The following TM2D3 variants were observed in gnomAD, a reference collection of about 807,000 sequenced individuals.
TM2D3 encodes the protein TM2 domain containing 3, also known as TM2 domain-containing protein 3.
Under a neutral mutation model 27.3 loss-of-function variants are expected in TM2D3, and 33 were observed. The observed-to-expected ratio is 1.21, with a 90% CI of 0.92 to 1.61. The LOEUF is 1.61. Among genes scored for constraint, TM2D3 ranks in the 40% most tolerant of loss-of-function variants. The pLI, the probability that TM2D3 is intolerant of heterozygous loss-of-function variation, is 0.00. For missense variants in TM2D3, 364 were observed against 320.8 expected (o/e 1.13, Z -1.03); for synonymous variants, 138 against 122.2 (o/e 1.13, Z -0.85).
At chr15:101,641,492 T>G (rs893328956), downstream of TM2D3, among the ~76,000 whole-genome samples, 2 of 152,246 alleles carry the variant, frequency 1.3e-5, no homozygotes, top group African/African-American at 4.8e-5. Flanking sequence ...ATTTTATAGC[T>G]TCTAGATATG....
downstream of TM2D3, among the ~76,000 whole-genome samples, chr15:101,637,121 C>T (rs374568964): frequency 6.6e-6 from 1 of 152,142 alleles, no homozygotes; most frequent in Non-Finnish European, 1.5e-5. Context: ...CAGGACAGCT[C>T]GAAGCAGGGG....
chr15:101,648,828 A>C (rs1038578194), intron 3 of TM2D3, among the ~76,000 whole-genome samples: 6 of 147,062 alleles, frequency 4.1e-5, no homozygotes, highest in African/African-American at 1.6e-4. Context: ...TGAGCAATGC[A>C]GCTAAAAAAT....
downstream of TM2D3, chr15:101,636,896 T>G (rs1341370093): frequency 4.5e-6 from 2 of 440,378 alleles, no homozygotes; most frequent in African/African-American, 4.1e-5. Flanking sequence ...CAGGCTGGAG[T>G]GCAGTGGTGT....
chr15:101,642,703 C>T (rs2141361498), intron 5 of TM2D3, 59 bp from the exon 6 acceptor site: 15 of 1,458,252 alleles, frequency 1.0e-5, no homozygotes, highest in Non-Finnish European at 1.4e-5. Flanking sequence ...TGTGGCCAGT[C>T]ACGGTTTAAT....
chr15:101,644,967 T>C (rs1896766149), intron 5 of TM2D3, 120 bp downstream of exon 5: 3 of 859,858 alleles, frequency 3.5e-6, no homozygotes, highest in Non-Finnish European at 5.6e-6. Flanking sequence ...TTTGCTAGAG[T>C]CTAACACACG....
chr15:101,645,205 ACT>A, intron 4 of TM2D3, 43 bp from the exon 5 acceptor site: 2 of 1,493,142 alleles, frequency 1.3e-6, no homozygotes, highest in Non-Finnish European at 1.8e-6. Flanking sequence ...TATAAAAAAT[ACT>A]CTCAGAAAGA....
downstream of TM2D3, among the ~76,000 whole-genome samples, chr15:101,640,635 TTTC>T (rs1896645051): frequency 1.3e-5 from 2 of 152,216 alleles, no homozygotes; most frequent in Non-Finnish European, 2.9e-5. Context: ...TACTTTGCAG[TTTC>T]TTTTTGGGGC....
chr15:101,651,459 G>A, intron 2 of TM2D3: 1 of 489,548 alleles, frequency 2.0e-6, no homozygotes, highest in Non-Finnish European at 3.6e-6. Flanking sequence ...TAGAAATAAG[G>A]TGACAAATGA....
At chr15:101,648,859 A>G (rs766225396) in intron 3 of TM2D3, among the ~76,000 whole-genome samples, 89 of 152,236 alleles carry the variant, frequency 5.8e-4, no homozygotes, top group Admixed American at 5.8e-3. Flanking sequence ...ATCTGCATCC[A>G]TGTATAATGA....
At chr15:101,634,811 AT>A (rs1013642063) in intron 4 of TM2D3, 3 of 152,250 alleles carry the variant, frequency 2.0e-5, no homozygotes, top group African/African-American at 7.2e-5. Context: ...CTTTGAGGAC[AT>A]TTTTAAGACC....
At chr15:101,642,756 T>C in intron 5 of TM2D3, 112 bp from the exon 6 acceptor site, 1 of 843,448 alleles carries the variant, frequency 1.2e-6, no homozygotes, top group Non-Finnish European at 1.7e-6. Context: ...CCCCTGATCG[T>C]AGCCCTTAAC....
At chr15:101,642,742 GCTT>G in intron 5 of TM2D3, 98 bp from the exon 6 acceptor site, 3 of 1,046,674 alleles carry the variant, frequency 2.9e-6, no homozygotes, top group Non-Finnish European at 3.9e-6. Flanking sequence ...TTGAGAAAGG[GCTT>G]CCCCTGATCG....
Position 101,645,082 on chromosome 15 carries a change from C to CT in TM2D3, c.578+4dup. 6.2e-7 allele frequency: 1 copy of CT among 1,611,978 alleles called. No homozygotes were observed. Among genetic ancestry groups the CT allele is most frequent in the Non-Finnish European group, 8.5e-7 (1 of 1,179,238 alleles). On this transcript the variant is annotated splice_donor_region_variant and intron_variant, in intron 5 of 5. Transcript: ENST00000333202. ...CCTTTTACACTTACGAGTAACAAGG[C>CT]TTACCTTAGAGCCAGAGCCGTAGAC...
rs75901568 is a variant in TM2D3, at chr15:101,642,871, A to T, written c.579-227T>A. On this transcript the variant is annotated intron_variant, in intron 5 of 5. Transcript: ENST00000333202. ...ACATACAATTTTTAGCTGTACTAAA[A>T]AACCAATGTTTTCTTTTTTTAAAGT... 7.9e-3 allele frequency among the ~76,000 whole-genome samples: 1,200 copies of T among 152,330 alleles called. 13 individuals carry two copies. Among genetic ancestry groups the T allele is most frequent in the African/African-American group, 0.027 (1,124 of 41,574 alleles).
chr15:101,643,599 T>TAAAAAAAAAAAAAAAAAAAAAAAGA (rs1896725360), intron 5 of TM2D3, among the ~76,000 whole-genome samples: 1 of 47,342 alleles, frequency 2.1e-5, no homozygotes, highest in Non-Finnish European at 3.9e-5. Flanking sequence ...GAGACTCCGT[T>TAAAAAAAAAAAAAAAAAAAAAAAGA]AAAAAAAAAA....
chr15:101,635,796 T>C (rs531364966), intron 4 of TM2D3: 1 of 152,210 alleles, frequency 6.6e-6, no homozygotes, highest in Non-Finnish European at 1.5e-5. Flanking sequence ...TTAAGTGTTC[T>C]ATAGTACAGA....
Position 101,642,584 on chromosome 15 carries a change from G to A in TM2D3, c.639C>T (p.Leu213=), listed in dbSNP as rs1357699459. The change falls in exon 6 of 6, where the codon CTC becomes CTT. Residue 213 remains leucine, a synonymous_variant. Coordinates refer to ENST00000333202, the MANE Select transcript of TM2D3 (RefSeq NM_078474.3). ...RFYLGQWREG[L]GKLFSFGGLG... ...GGCCACCGAAGCTGAAGAGCTTGCCGAGGCCTTCCCGCCACTGGCCCAGGT... is the reference window on the plus strand; with the variant it reads ...GGCCACCGAAGCTGAAGAGCTTGCCAAGGCCTTCCCGCCACTGGCCCAGGT... 12 of 1,610,998 alleles carry A rather than the reference G, an allele frequency of 7.4e-6. No homozygotes were observed. Among genetic ancestry groups the A allele is most frequent in the East Asian group, 2.2e-5 (1 of 44,822 alleles).
downstream of TM2D3, among the ~76,000 whole-genome samples, chr15:101,638,664 G>A (rs1435617997): frequency 1.3e-5 from 2 of 152,078 alleles, no homozygotes; most frequent in Admixed American, 6.6e-5. Flanking sequence ...TTACACACCT[G>A]AGCAATAATT....
chr15:101,642,110 T>C lies in TM2D3; in HGVS notation c.*369A>G. The C allele has an allele frequency of 1.0e-6, 1 of 992,742 alleles. No homozygotes were observed. The highest frequency in any genetic ancestry group is 1.2e-6 in the Non-Finnish European group (1 of 834,700). The allele number at this position is 992,742 out of a possible 1,614,324, so 61.5% of individuals were successfully genotyped here. On this transcript the variant is annotated 3_prime_UTR_variant, in exon 6 of 6. Coordinates refer to ENST00000333202, the MANE Select transcript of TM2D3 (RefSeq NM_078474.3). Reference sequence around the variant, plus strand: ...TAACAATAAAAACACTCCCACTTCCTGCAGTCACAGCTGAAAGACTTTTCA... The same window carrying C: ...TAACAATAAAAACACTCCCACTTCCCGCAGTCACAGCTGAAAGACTTTTCA...
Sources: gnomAD v4.1 joint callset for allele counts (sites outside exome capture counted in the v4.1 genomes callset) on GRCh38, gnomAD v4.1.1 for gene constraint, MANE v1.5 for transcripts, NCBI Gene and HGNC (gene_info 2026-07-23, HGNC 2026-07-21) for gene names.